Variants in LSAMP observed in about 807,000 individuals in gnomAD.
LSAMP encodes the protein limbic system-associated membrane protein.
Under a neutral mutation model 38.6 loss-of-function variants are expected in LSAMP, and 7 were observed. The ratio of observed to expected loss-of-function variants is 0.18; its 90% CI spans 0.10 to 0.34. The LOEUF is 0.34. Among genes scored for constraint, LSAMP ranks in the 10% least tolerant of loss-of-function variants. The pLI is 1.00. For synonymous variants in LSAMP, 154 were observed against 166.8 expected, an observed-to-expected ratio of 0.92 and a Z score of 0.59; for missense variants, 313 against 420.0, an observed-to-expected ratio of 0.75 and a Z score of 2.23.
intron 1 of LSAMP, among the ~76,000 whole-genome samples, chr3:116,398,373 T>C (rs1217127926): frequency 6.6e-6 from 1 of 152,164 alleles, no homozygotes; most frequent in Non-Finnish European, 1.5e-5. Context: ...ATCAGAGACA[T>C]CGCTTCTCTA....
intron 1 of LSAMP, among the ~76,000 whole-genome samples, chr3:116,318,688 G>A (rs2047667078): frequency 6.6e-6 from 1 of 152,068 alleles, no homozygotes; most frequent in Non-Finnish European, 1.5e-5. Context: ...CCCACATGAA[G>A]GCAAAATTCA....
intron 3 of LSAMP, among the ~76,000 whole-genome samples, chr3:115,862,580 G>A (rs1254495470): frequency 6.6e-6 from 1 of 152,182 alleles, no homozygotes; most frequent in Non-Finnish European, 1.5e-5. Flanking sequence ...CATAAGTAAT[G>A]AAGAGAAAAG....
chr3:116,255,500 T>C (rs1204021273), intron 1 of LSAMP, among the ~76,000 whole-genome samples: 10 of 152,194 alleles, frequency 6.6e-5, no homozygotes, highest in East Asian at 1.9e-4. Context: ...TGTGTATTTA[T>C]AGACAAAGAG....
intron 1 of LSAMP, among the ~76,000 whole-genome samples, chr3:116,331,091 C>G (rs1425388563): frequency 6.6e-6 from 1 of 151,724 alleles, no homozygotes; most frequent in African/African-American, 2.4e-5. Context: ...AATTACGGAG[C>G]TGAAAATTTC....
At chr3:115,940,722 T>C (rs1576239056) in intron 3 of LSAMP, among the ~76,000 whole-genome samples, 3 of 152,322 alleles carry the variant, frequency 2.0e-5, no homozygotes, top group Non-Finnish European at 4.4e-5. Flanking sequence ...ACCACATATG[T>C]TTGGGTTTAC....
At chr3:116,242,172 A>G (rs1383989043) in intron 1 of LSAMP, among the ~76,000 whole-genome samples, 3 of 152,248 alleles carry the variant, frequency 2.0e-5, no homozygotes, top group Admixed American at 6.5e-5. Flanking sequence ...CAAATTGCCA[A>G]GGAAAAATAT....
chr3:115,818,581 C>T (rs1018594483), intron 6 of LSAMP, among the ~76,000 whole-genome samples: 3 of 151,396 alleles, frequency 2.0e-5, no homozygotes, highest in South Asian at 4.2e-4. Context: ...ACTATACTTA[C>T]AATGGTGCCA....
At chr3:116,011,250 A>G (rs1940316002) in intron 3 of LSAMP, among the ~76,000 whole-genome samples, 1 of 152,138 alleles carries the variant, frequency 6.6e-6, no homozygotes, top group African/African-American at 2.4e-5. Flanking sequence ...GGGGAGAATG[A>G]ATGAGCACAT....
intron 3 of LSAMP, among the ~76,000 whole-genome samples, chr3:115,930,002 GTTTTTTT>G (rs1170325465): frequency 1.0e-4 from 8 of 80,294 alleles, no homozygotes; most frequent in African/African-American, 2.4e-4. Context: ...TTTAGCAGAA[GTTTTTTT>G]TTTTTTTTTT....
intron 1 of LSAMP, among the ~76,000 whole-genome samples, chr3:116,400,838 C>A (rs1402520778): frequency 6.6e-6 from 1 of 152,048 alleles, no homozygotes; most frequent in Non-Finnish European, 1.5e-5. Flanking sequence ...CACATTCTAC[C>A]TTTTATTCCT....
intron 1 of LSAMP, among the ~76,000 whole-genome samples, chr3:116,115,373 G>A (rs1357721091): frequency 6.6e-6 from 1 of 152,200 alleles, no homozygotes; most frequent in Non-Finnish European, 1.5e-5. Flanking sequence ...AAAGAAAAGT[G>A]AGTCACCGGT....
At chr3:116,342,993 A>T (rs969153460) in intron 1 of LSAMP, among the ~76,000 whole-genome samples, 1 of 152,126 alleles carries the variant, frequency 6.6e-6, no homozygotes, top group African/African-American at 2.4e-5. Context: ...TTGTTCCATT[A>T]TGTGTTAAGT....
chr3:116,313,230 C>T (rs565795211), intron 1 of LSAMP, among the ~76,000 whole-genome samples: 10 of 152,304 alleles, frequency 6.6e-5, no homozygotes, highest in East Asian at 5.8e-4. Context: ...CTGCAACACT[C>T]GGCAGTACTC....
intron 1 of LSAMP, among the ~76,000 whole-genome samples, chr3:116,143,843 G>T (rs1395773823): frequency 6.6e-6 from 1 of 151,410 alleles, no homozygotes; most frequent in East Asian, 2.0e-4. Flanking sequence ...CTCCTCCTTT[G>T]CTACTTTCTA....
intron 1 of LSAMP, among the ~76,000 whole-genome samples, chr3:116,282,509 C>A (rs1434063977): frequency 6.6e-6 from 1 of 152,060 alleles, no homozygotes; most frequent in Non-Finnish European, 1.5e-5. Context: ...ATATACCTTT[C>A]TTAAATGGCT....
intron 1 of LSAMP, among the ~76,000 whole-genome samples, chr3:116,321,829 T>C (rs2047710631): frequency 6.6e-6 from 1 of 152,200 alleles, no homozygotes; most frequent in South Asian, 2.1e-4. Flanking sequence ...TGTTTGGACT[T>C]TTCAGTTTGG....
chr3:116,438,165 AC>A (rs1163254149), intron 1 of LSAMP, among the ~76,000 whole-genome samples: 1 of 152,118 alleles, frequency 6.6e-6, no homozygotes, highest in East Asian at 1.9e-4. Context: ...CATAATAAAA[AC>A]ATCGTAGTGC....
At chr3:115,922,344 G>C (rs537782904) in intron 3 of LSAMP, among the ~76,000 whole-genome samples, 1 of 151,934 alleles carries the variant, frequency 6.6e-6, no homozygotes, top group Non-Finnish European at 1.5e-5. Context: ...TCTTCTGCCT[G>C]GTCAAATCTA....
chr3:115,827,362 GCTA>G (rs1934454839), intron 6 of LSAMP, among the ~76,000 whole-genome samples: 1 of 146,148 alleles, frequency 6.8e-6, no homozygotes, highest in Non-Finnish European at 1.5e-5. Context: ...TCTACAGGAT[GCTA>G]CTATTGCCTC....
Sources: allele counts gnomAD v4.1 joint callset (sites outside exome capture counted in the v4.1 genomes callset), GRCh38; gene constraint gnomAD v4.1.1; transcripts MANE v1.5; gene names NCBI Gene and HGNC (gene_info 2026-07-23, HGNC 2026-07-21).